The following EBF2 variants were observed in gnomAD, a reference collection of about 807,000 sequenced individuals.
EBF2 encodes the protein EBF transcription factor 2, also known as transcription factor COE2.
A neutral mutation model predicts 72.8 loss-of-function variants in EBF2; 21 were observed. That is an observed-to-expected ratio of 0.29 (90% confidence interval 0.20 to 0.42). EBF2 has a LOEUF of 0.42. Among genes scored for constraint, EBF2 ranks in the 10% least tolerant of loss-of-function variants. The pLI is 1.00. For missense variants in EBF2, 637 were observed against 731.2 expected (o/e 0.87, Z 1.49); for synonymous variants, 299 against 274.2 (o/e 1.09, Z -0.89).
At chr8:25,855,837 G>A (rs571377025) in intron 14 of EBF2, among the ~76,000 whole-genome samples, 2 of 152,284 alleles carry the variant, frequency 1.3e-5, no homozygotes, top group East Asian at 1.9e-4. Context: ...CTCCAAAAGT[G>A]AAGGTGCAAA....
At chr8:25,920,072 T>C (rs992438895) in intron 6 of EBF2, among the ~76,000 whole-genome samples, 1 of 152,162 alleles carries the variant, frequency 6.6e-6, no homozygotes, top group East Asian at 1.9e-4. Context: ...GTGTTTCTAG[T>C]AGTTTCTTGA....
intron 6 of EBF2, among the ~76,000 whole-genome samples, chr8:26,001,724 T>C (rs1038578600): frequency 6.6e-6 from 1 of 152,070 alleles, no homozygotes; most frequent in Non-Finnish European, 1.5e-5. Context: ...AATTTTGGTA[T>C]TTTTAGTAGA....
At chr8:25,898,822 G>A (rs1475493103) in intron 7 of EBF2, among the ~76,000 whole-genome samples, 1 of 152,134 alleles carries the variant, frequency 6.6e-6, no homozygotes, top group Non-Finnish European at 1.5e-5. Flanking sequence ...GAGGAACTAT[G>A]CACTCTTATT....
At chr8:25,876,372 T>C (rs532839895) in intron 10 of EBF2, among the ~76,000 whole-genome samples, 17 of 152,120 alleles carry the variant, frequency 1.1e-4, no homozygotes, top group East Asian at 1.9e-4. Flanking sequence ...TGTATACCTA[T>C]GTAACAAATC....
Position 26,040,506 on chromosome 8 carries a change from G to A in EBF2, c.408+110C>T, listed in dbSNP as rs1014694587. 2.9e-6 allele frequency: 3 copies of A among 1,017,292 alleles called. 1 individual carries two copies. The South Asian group carries it at 4.7e-5, about 16-fold the overall frequency. The allele number at this position is 1,017,292 out of a possible 1,614,324, so 63.0% of individuals were successfully genotyped here. A position where few individuals can be genotyped will look rare whatever the true frequency, so the allele number is the denominator to read the frequency against. ...GGGAGGGGGACGTGGAGGGGGCTGTGGAGTCTGACCCAGGAAATCGTGGAG... is the reference window on the plus strand; with the variant it reads ...GGGAGGGGGACGTGGAGGGGGCTGTAGAGTCTGACCCAGGAAATCGTGGAG... On this transcript the variant is annotated intron_variant, in intron 4 of 15. Coordinates refer to ENST00000520164, the MANE Select transcript of EBF2 (RefSeq NM_022659.4).
chr8:25,911,747 A>C (rs1803133974), intron 6 of EBF2, among the ~76,000 whole-genome samples: 1 of 152,254 alleles, frequency 6.6e-6, no homozygotes, highest in Non-Finnish European at 1.5e-5. Flanking sequence ...TGAAAACAAG[A>C]GACCATGACT....
rs144855152 is a variant in EBF2, at chr8:25,974,911, T to A, written c.551+58174A>T. Among the ~76,000 whole-genome samples the A allele has an allele frequency of 4.0e-3, 615 of 152,282 alleles. 2 individuals are homozygous for A. Among genetic ancestry groups the A allele is most frequent in the Non-Finnish European group, 6.8e-3 (461 of 68,030 alleles). On this transcript the variant is annotated intron_variant, in intron 6 of 15. Coordinates refer to ENST00000520164, the MANE Select transcript of EBF2 (RefSeq NM_022659.4). ...GTATTCCCAGCAGATCCCTGATAGCTCATCCAGAACAATCAAGCTACCGGC... is the reference window on the plus strand; with the variant it reads ...GTATTCCCAGCAGATCCCTGATAGCACATCCAGAACAATCAAGCTACCGGC...
chr8:25,965,702 T>C (rs1452513876), intron 6 of EBF2, among the ~76,000 whole-genome samples: 1 of 152,020 alleles, frequency 6.6e-6, no homozygotes, highest in Non-Finnish European at 1.5e-5. Flanking sequence ...CAGAAGACAT[T>C]AGGGTCCCTT....
intron 6 of EBF2, among the ~76,000 whole-genome samples, chr8:25,933,622 C>G (rs73225944): frequency 0.042 from 6,405 of 152,248 alleles, 184 homozygotes; most frequent in South Asian, 0.076. Flanking sequence ...AAAGCTTTAT[C>G]TACAAAAGAT....
At chr8:26,005,246 C>A in intron 6 of EBF2, among the ~76,000 whole-genome samples, 2 of 58,596 alleles carry the variant, frequency 3.4e-5, no homozygotes, top group African/African-American at 7.2e-5. Flanking sequence ...GATATATATA[C>A]ATTTTATTAT....
intron 6 of EBF2, among the ~76,000 whole-genome samples, chr8:25,950,137 A>T (rs1448956300): frequency 6.6e-6 from 1 of 152,232 alleles, no homozygotes; most frequent in East Asian, 1.9e-4. Context: ...ATCTGAAACG[A>T]GGTGCCCCAC....
chr8:26,043,661 C>T (rs967527153), intron 1 of EBF2, among the ~76,000 whole-genome samples: 2 of 152,200 alleles, frequency 1.3e-5, no homozygotes, highest in African/African-American at 2.4e-5. Flanking sequence ...GGGTAGAGGC[C>T]GGTTCGCTCT....
At chr8:26,033,021 T>C in intron 6 of EBF2, 64 bp downstream of exon 6, 2 of 1,459,966 alleles carry the variant, frequency 1.4e-6, no homozygotes, top group Non-Finnish European at 1.9e-6. Flanking sequence ...GGATCAGTAC[T>C]CAGAGTTGAG....
At chr8:26,040,850 T>G in intron 3 of EBF2, 89 bp downstream of exon 3, 1 of 1,577,890 alleles carries the variant, frequency 6.3e-7, no homozygotes, top group Non-Finnish European at 8.7e-7. Context: ...CTCCATGCGA[T>G]CCCTGAGAGT....
chr8:25,978,117 A>C (rs953103408), intron 6 of EBF2, among the ~76,000 whole-genome samples: 1 of 152,136 alleles, frequency 6.6e-6, no homozygotes, highest in African/African-American at 2.4e-5. Context: ...GTCACACTGG[A>C]AGCCCCAGAA....
chr8:25,878,222 C>A (rs10099264), intron 10 of EBF2, among the ~76,000 whole-genome samples: 55,685 of 152,108 alleles, frequency 0.37, 10,814 homozygotes, highest in Middle Eastern at 0.56. Flanking sequence ...TCCTCCAGAA[C>A]CAGAATGACT....
intron 6 of EBF2, among the ~76,000 whole-genome samples, chr8:25,948,006 T>C (rs1803800640): frequency 6.6e-6 from 1 of 152,174 alleles, no homozygotes; most frequent in Non-Finnish European, 1.5e-5. Flanking sequence ...GGAAGATGCA[T>C]AATAAACGTG....
chr8:25,923,586 T>G (rs535837368), intron 6 of EBF2, among the ~76,000 whole-genome samples: 1 of 152,254 alleles, frequency 6.6e-6, no homozygotes, highest in Non-Finnish European at 1.5e-5. Context: ...TTTTGTTTTT[T>G]TTGTTGTTGT....
intron 9 of EBF2, 123 bp from the exon 10 acceptor site, chr8:25,887,004 C>G: frequency 4.9e-6 from 5 of 1,017,204 alleles, no homozygotes; most frequent in African/African-American, 1.6e-5. Flanking sequence ...TCTACTCTAA[C>G]TGGAGTACTC....
Sources: gnomAD v4.1 joint callset for allele counts (sites outside exome capture counted in the v4.1 genomes callset) on GRCh38, gnomAD v4.1.1 for gene constraint, MANE v1.5 for transcripts, NCBI Gene and HGNC (gene_info 2026-07-23, HGNC 2026-07-21) for gene names.